The following CAB39 variants were observed in gnomAD, a reference collection of about 807,000 sequenced individuals.
CAB39 encodes the protein calcium-binding protein 39.
A neutral mutation model predicts 40.0 loss-of-function variants in CAB39; 8 were observed. That is an observed-to-expected ratio of 0.20 (90% CI 0.12 to 0.36). CAB39 has a LOEUF of 0.36. CAB39 is among the 10% of genes least tolerant of loss of function. The probability of loss-of-function intolerance (pLI) is 1.00; values close to 1 mark genes in which losing one functional copy is unlikely to be tolerated. For missense variants in CAB39, 270 were observed against 401.1 expected, an observed-to-expected ratio of 0.67 and a Z score of 2.79; for synonymous variants, 156 against 141.6, an observed-to-expected ratio of 1.10 and a Z score of -0.72.
At chr2:230,768,051 C>G (rs544405830) in intron 2 of CAB39, among the ~76,000 whole-genome samples, 89 of 152,278 alleles carry the variant, frequency 5.8e-4, no homozygotes, top group African/African-American at 2.1e-3. Flanking sequence ...GTTAGACCAT[C>G]AGCCTTTCAA....
At chr2:230,744,440 C>G (rs750304310) in intron 1 of CAB39, among the ~76,000 whole-genome samples, 1 of 152,124 alleles carries the variant, frequency 6.6e-6, no homozygotes, top group Non-Finnish European at 1.5e-5. Context: ...AATACAAGCA[C>G]GTGACACCAT....
intron 4 of CAB39, among the ~76,000 whole-genome samples, chr2:230,794,765 C>G (rs1167501194): frequency 6.6e-6 from 1 of 152,160 alleles, no homozygotes; most frequent in African/African-American, 2.4e-5. Flanking sequence ...ACCCTAAACC[C>G]AGCTTCAACA....
intron 7 of CAB39, among the ~76,000 whole-genome samples, chr2:230,816,293 T>C (rs1696399222): frequency 6.6e-6 from 1 of 152,200 alleles, no homozygotes; most frequent in South Asian, 2.1e-4. Context: ...AAGAATTACA[T>C]ATTTGAAGTC....
chr2:230,777,966 A>G (rs2124940620), intron 2 of CAB39, among the ~76,000 whole-genome samples: 1 of 152,308 alleles, frequency 6.6e-6, no homozygotes, highest in Middle Eastern at 3.4e-3. Context: ...CCTCCAGTAA[A>G]GTTGTACCAA....
chr2:230,775,826 A>G (rs1010994244), intron 2 of CAB39, among the ~76,000 whole-genome samples: 31 of 152,124 alleles, frequency 2.0e-4, no homozygotes, highest in Non-Finnish European at 2.9e-5. Flanking sequence ...TAGGCATAGG[A>G]GTCAAACCTT....
intron 1 of CAB39, among the ~76,000 whole-genome samples, chr2:230,751,120 C>T (rs1453661973): frequency 6.6e-6 from 1 of 152,240 alleles, no homozygotes; most frequent in Non-Finnish European, 1.5e-5. Context: ...CTACATTTCA[C>T]ACTCCATGAC....
At chr2:230,730,020 T>C (rs2124871630) in intron 1 of CAB39, among the ~76,000 whole-genome samples, 1 of 152,296 alleles carries the variant, frequency 6.6e-6, no homozygotes, top group African/African-American at 2.4e-5. Context: ...TTTTAAAAAG[T>C]TGACTTATGG....
intron 1 of CAB39, among the ~76,000 whole-genome samples, chr2:230,719,613 G>A (rs928843709): frequency 1.3e-5 from 2 of 152,176 alleles, no homozygotes; most frequent in Admixed American, 6.5e-5. Flanking sequence ...GAGAAGATGG[G>A]AGGCCTGTGT....
chr2:230,757,802 C>G (rs1180769344), intron 1 of CAB39, among the ~76,000 whole-genome samples: 1 of 152,046 alleles, frequency 6.6e-6, no homozygotes, highest in Non-Finnish European at 1.5e-5. Context: ...AAGCAACTTG[C>G]ATGCTTCCCC....
chr2:230,797,979 G>A (rs1160566064), intron 4 of CAB39, among the ~76,000 whole-genome samples: 1 of 152,180 alleles, frequency 6.6e-6, no homozygotes, highest in Non-Finnish European at 1.5e-5. Flanking sequence ...ATGTGTTTGA[G>A]GGGGCGGAAG....
chr2:230,790,840 C>G (rs376258209), intron 2 of CAB39, 32 bp from the exon 3 acceptor site: 350 of 1,562,592 alleles, frequency 2.2e-4, no homozygotes, highest in Admixed American at 4.6e-4. Flanking sequence ...ATTGTTTTTT[C>G]TCCTCTTCCC....
intron 2 of CAB39, among the ~76,000 whole-genome samples, chr2:230,769,719 C>T (rs969690699): frequency 2.0e-5 from 3 of 151,870 alleles, no homozygotes; most frequent in African/African-American, 7.3e-5. Context: ...TGGCTCATGC[C>T]TGTCATCTTA....
intron 1 of CAB39, among the ~76,000 whole-genome samples, chr2:230,756,246 T>C (rs893727920): frequency 2.0e-5 from 3 of 152,352 alleles, no homozygotes; most frequent in African/African-American, 7.2e-5. Flanking sequence ...CAAACCTAGA[T>C]AGTATAGTCA....
chr2:230,726,564 A>G (rs959056881), intron 1 of CAB39, among the ~76,000 whole-genome samples: 13 of 152,148 alleles, frequency 8.5e-5, no homozygotes, highest in African/African-American at 3.1e-4. Flanking sequence ...CACATTAGTC[A>G]CAGGTACAGT....
chr2:230,724,704 A>C (rs1310035363), intron 1 of CAB39, among the ~76,000 whole-genome samples: 1 of 88,876 alleles, frequency 1.1e-5, no homozygotes, highest in Non-Finnish European at 2.3e-5. Context: ...CACGCTCACC[A>C]AAAAAAAAAA....
intron 4 of CAB39, 86 bp from the exon 5 acceptor site, chr2:230,798,643 T>C: frequency 8.8e-7 from 1 of 1,130,888 alleles, no homozygotes; most frequent in South Asian, 1.7e-5. Context: ...AAACTGTCTT[T>C]GGCCTGAAAG....
At chr2:230,762,825 T>C (rs1045533589) in intron 2 of CAB39, among the ~76,000 whole-genome samples, 1 of 152,206 alleles carries the variant, frequency 6.6e-6, no homozygotes, top group Non-Finnish European at 1.5e-5. Context: ...TAGCTTCCGT[T>C]CTAATTAAGA....
At chr2:230,742,320 A>G (rs950507003) in intron 1 of CAB39, among the ~76,000 whole-genome samples, 2 of 151,816 alleles carry the variant, frequency 1.3e-5, no homozygotes, top group East Asian at 1.9e-4. Flanking sequence ...GACTGCAGGC[A>G]CCCGCCACCA....
Position 230,759,981 on chromosome 2 carries a change from G to GC in CAB39, c.-21_-20insC. ...TAGGTAGCACAGGCGGAGTGCAGCG[G>GC]AGGCCCCTGCCGCTGCCGTCATGCC... On this transcript the variant is annotated 5_prime_UTR_variant, in exon 2 of 9. Coordinates refer to ENST00000258418, the MANE Select transcript of CAB39 (RefSeq NM_016289.4). The GC allele has an allele frequency of 7.0e-7, 1 of 1,420,640 alleles. No homozygotes were observed. Among genetic ancestry groups the GC allele is most frequent in the Non-Finnish European group, 1.0e-6 (1 of 1,003,846 alleles). 88.0% of individuals were successfully genotyped at this position (1,420,640 alleles called of 1,614,324 possible). A position where few individuals can be genotyped will look rare whatever the true frequency, so the allele number is the denominator to read the frequency against.
Sources: allele counts gnomAD v4.1 joint callset (sites outside exome capture counted in the v4.1 genomes callset), GRCh38; gene constraint gnomAD v4.1.1; transcripts MANE v1.5; gene names NCBI Gene and HGNC (gene_info 2026-07-23, HGNC 2026-07-21).